Variants in POM121 observed in about 807,000 individuals in gnomAD.
The protein encoded by POM121 is POM121 transmembrane nucleoporin, also known as nuclear envelope pore membrane protein POM 121.
A neutral mutation model predicts 81.3 loss-of-function variants in POM121; 32 were observed. The observed-to-expected ratio is 0.39, with a 90% CI of 0.30 to 0.53. The LOEUF is 0.53. POM121 is among the 20% of genes least tolerant of loss of function. POM121 has a pLI of 0.66. For synonymous variants in POM121, 514 were observed against 694.2 expected, an observed-to-expected ratio of 0.74 and a Z score of 4.08; for missense variants, 1,138 against 1,614.6, an observed-to-expected ratio of 0.70 and a Z score of 5.06.
rs1458502265 is a variant in POM121 at position 72,936,547 on chromosome 7, G to A, written c.1276-2043G>A. Reference sequence around the variant, plus strand: ...CCACCTTGGCCTCCCAAAGTGGTGGGATTACAGGCGTCAGCCACCGTGCCC... The same window carrying A: ...CCACCTTGGCCTCCCAAAGTGGTGGAATTACAGGCGTCAGCCACCGTGCCC... On this transcript the variant is annotated intron_variant, in intron 5 of 12. Transcript: ENST00000434423. Among the ~76,000 whole-genome samples the A allele has an allele frequency of 3.3e-5, 5 of 152,174 alleles. No homozygotes were observed. The East Asian group carries it at 9.6e-4, about 29-fold the overall frequency.
At chr7:72,949,481 C>G (rs2129581547), downstream of POM121, 1 of 1,570,750 alleles carries the variant, frequency 6.4e-7, no homozygotes, top group African/African-American at 1.4e-5. Flanking sequence ...AGGTCAAAGG[C>G]AAAGATCTTC....
intron 4 of POM121, among the ~76,000 whole-genome samples, chr7:72,918,557 T>C (rs1277091558): frequency 6.6e-6 from 1 of 152,190 alleles, no homozygotes; most frequent in Non-Finnish European, 1.5e-5. Context: ...TAATGATTAA[T>C]GATATTCATA....
chr7:72,926,023 G>T (rs1795409238), intron 1 of POM121, among the ~76,000 whole-genome samples: 1 of 152,090 alleles, frequency 6.6e-6, no homozygotes, highest in Non-Finnish European at 1.5e-5. Context: ...ATGTAGTCTA[G>T]ATTTAGATTT....
intron 3 of POM121, among the ~76,000 whole-genome samples, chr7:72,900,261 G>A (rs1381523231): frequency 1.3e-5 from 2 of 152,028 alleles, no homozygotes; most frequent in Non-Finnish European, 2.9e-5. Flanking sequence ...GGAGCTGGGT[G>A]CCTAGATTTG....
At chr7:72,893,337 A>G (rs1178099512) in intron 3 of POM121, among the ~76,000 whole-genome samples, 1 of 151,936 alleles carries the variant, frequency 6.6e-6, no homozygotes, top group Non-Finnish European at 1.5e-5. Flanking sequence ...TAATCCCAGC[A>G]CTTTGGGAGG....
intron 1 of POM121, among the ~76,000 whole-genome samples, chr7:72,881,597 G>A (rs1456237022): frequency 4.6e-5 from 7 of 151,520 alleles, no homozygotes; most frequent in Non-Finnish European, 1.0e-4. Context: ...TTTATTTTAT[G>A]ATGCATTTTA....
chr7:72,948,470 A>G (rs1554503845), downstream of POM121: 1 of 1,613,450 alleles, frequency 6.2e-7, no homozygotes. Context: ...GGAAGGAGTG[A>G]GCCCGGAGCC....
In POM121 at chr7:72,943,475, T is replaced by G. The variant is rs1222401254; in HGVS notation, c.3482T>G (p.Phe1161Cys). Residue 1161 changes from phenylalanine to cysteine, a missense_variant, in exon 11 of 13, where the codon TTT becomes TGT. Phe to Cys is a radical substitution (Grantham distance 205, BLOSUM62 -2). Coordinates refer to ENST00000434423, the MANE Select transcript of POM121 (RefSeq NM_001387691.1). The part of the protein sequence containing the change: ...ALGTTGQSTP[F>C]AFNVSSTTES... The stretch of plus-strand genomic sequence containing the variant: ...GGCACCACCGGCCAGAGCACACCGT[T>G]TGCCTTCAACGTGAGCAGCACAACT... The G allele has an allele frequency of 4.3e-6, 7 of 1,612,796 alleles. No homozygotes were observed. The highest frequency in any genetic ancestry group is 5.9e-6 in the Non-Finnish European group (7 of 1,179,864).
In POM121 at chr7:72,945,614, C is replaced by T. The variant is rs1233843580; in HGVS notation, c.3558C>T (p.Asn1186=). Residue 1186 remains asparagine, a synonymous_variant, in exon 12 of 13, where the codon AAC becomes AAT. Coordinates refer to ENST00000434423, the MANE Select transcript of POM121 (RefSeq NM_001387691.1). ...GGTATPTFGL[N]TPAPGVGTSG... ...CCGCCACCCCCACCTTTGGTCTGAA[C>T]ACCCCTGCGCCTGGAGTGGGCACAT... 1.9e-6 allele frequency: 3 copies of T among 1,613,456 alleles called. No homozygotes were observed. The highest frequency in any genetic ancestry group is 1.7e-5 in the Admixed American group (1 of 59,966).
intron 4 of POM121, among the ~76,000 whole-genome samples, chr7:72,915,717 G>A (rs1794230966): frequency 6.6e-6 from 1 of 152,134 alleles, no homozygotes; most frequent in South Asian, 2.1e-4. Flanking sequence ...GTGTTGCCCA[G>A]GCTGGAGTGC....
intron 4 of POM121, among the ~76,000 whole-genome samples, chr7:72,915,367 A>G (rs1238382682): frequency 6.6e-6 from 1 of 152,126 alleles, no homozygotes; most frequent in African/African-American, 2.4e-5. Context: ...CAAACTAGCC[A>G]ACATGCACTG....
chr7:72,934,269 G>A (rs1303597759), intron 5 of POM121, among the ~76,000 whole-genome samples: 3 of 151,702 alleles, frequency 2.0e-5, no homozygotes, highest in Non-Finnish European at 4.4e-5. Context: ...ATTTTTAGTA[G>A]AGATGGGTTT....
chr7:72,925,064 G>C (rs544809343), upstream of POM121: 7,550 of 1,356,252 alleles, frequency 5.6e-3, 31 homozygotes, highest in Non-Finnish European at 6.7e-3. Flanking sequence ...GCGATGACGC[G>C]ACGCGCGGCG....
rs1554502518 is a variant in POM121, at chr7:72,943,519, G to A, written c.3526G>A (p.Gly1176Arg). The A allele has an allele frequency of 1.2e-6, 2 of 1,611,842 alleles. No individual in the cohort carries two copies. The highest frequency in any genetic ancestry group is 1.7e-5 in the Admixed American group (1 of 59,970). ...SSTTESKPVFGGTATPTFGLN... is the reference protein window; with the variant it reads ...SSTTESKPVFRGTATPTFGLN... ...CACAACTGAGAGCAAACCTGTGTTTGGAGGTAAGGAGGGGCGTGGACTTGG... is the reference window on the plus strand; with the variant it reads ...CACAACTGAGAGCAAACCTGTGTTTAGAGGTAAGGAGGGGCGTGGACTTGG... The change falls in exon 11 of 13, where the codon GGA (glycine) becomes AGA (arginine). Residue 1176 changes from glycine to arginine, a missense_variant. Transcript: ENST00000434423.
chr7:72,914,870 G>C (rs1422891522), intron 4 of POM121, among the ~76,000 whole-genome samples: 2 of 152,080 alleles, frequency 1.3e-5, no homozygotes, highest in Admixed American at 1.3e-4. Context: ...CTGCAGTTCT[G>C]TGCTTCCCAG....
chr7:72,919,789 G>A (rs1188070828), intron 4 of POM121, among the ~76,000 whole-genome samples: 4 of 151,994 alleles, frequency 2.6e-5, no homozygotes, highest in African/African-American at 7.3e-5. Context: ...ATTTCACTTC[G>A]CTAAAATATA....
chr7:72,949,115 G>A (rs782397792), downstream of POM121: 3 of 1,568,938 alleles, frequency 1.9e-6, no homozygotes, highest in Middle Eastern at 1.7e-4. Flanking sequence ...AAGGAAAAGC[G>A]TGTCTCGGTT....
chr7:72,918,240 C>T (rs1363041017), intron 4 of POM121, among the ~76,000 whole-genome samples: 1 of 152,004 alleles, frequency 6.6e-6, no homozygotes, highest in Non-Finnish European at 1.5e-5. Flanking sequence ...TAAACTCCCC[C>T]GGGGAAAGGG....
chr7:72,898,989 T>C lies in POM121; in HGVS notation c.-216+7879T>C, dbSNP rs1160069149. On this transcript the variant is annotated intron_variant, in intron 3 of 15. Coordinates refer to the POM121 transcript ENST00000395270. ...TTTTTCTTTTCTTTTCTTTTTTTTT[T>C]TTTTTTTTTTTTTTTTAGACAGAGT... is the stretch of plus-strand genomic sequence containing the variant. 3.1e-5 allele frequency among the ~76,000 whole-genome samples: 4 copies of C among 130,084 alleles called. No individual in the cohort carries two copies. In the Admixed American group the frequency reaches 3.1e-4, roughly 10 times the overall value. 85.3% of individuals were successfully genotyped at this position (130,084 alleles called of 152,430 possible).
Sources: allele counts gnomAD v4.1 joint callset (sites outside exome capture counted in the v4.1 genomes callset), GRCh38; gene constraint gnomAD v4.1.1; transcripts MANE v1.5; gene names NCBI Gene and HGNC (gene_info 2026-07-23, HGNC 2026-07-21).